The following ERBB4 variants were observed in gnomAD, a reference collection of about 807,000 sequenced individuals.
The protein encoded by ERBB4 is erb-b2 receptor tyrosine kinase 4.
In ERBB4, 42 loss-of-function variants were observed where a neutral mutation model predicts 158.0. The ratio of observed to expected loss-of-function variants is 0.27; its 90% CI spans 0.21 to 0.34. ERBB4 has a LOEUF of 0.34. ERBB4 is among the 10% of genes least tolerant of loss of function. ERBB4 has a pLI of 1.00. For missense variants in ERBB4, 1,333 were observed against 1,624.1 expected (o/e 0.82, Z 3.08); for synonymous variants, 583 against 558.7 (o/e 1.04, Z -0.61).
intron 20 of ERBB4, among the ~76,000 whole-genome samples, chr2:211,474,876 A>G (rs2064916850): frequency 6.6e-6 from 1 of 152,120 alleles, no homozygotes; most frequent in East Asian, 1.9e-4. Flanking sequence ...GAGCCAGAGA[A>G]GTAGGTGGAA....
At chr2:211,767,728 AG>A (rs2075586943) in intron 4 of ERBB4, among the ~76,000 whole-genome samples, 1 of 152,092 alleles carries the variant, frequency 6.6e-6, no homozygotes, top group East Asian at 1.9e-4. Flanking sequence ...CAGCAGCATG[AG>A]GGTAACAGCC....
intron 20 of ERBB4, among the ~76,000 whole-genome samples, chr2:211,447,502 A>C (rs1186108990): frequency 1.3e-5 from 2 of 152,224 alleles, no homozygotes; most frequent in African/African-American, 4.8e-5. Flanking sequence ...TTCTAGTAGA[A>C]ATGCCATATT....
intron 19 of ERBB4, among the ~76,000 whole-genome samples, chr2:211,576,365 G>C (rs2067893992): frequency 6.6e-6 from 1 of 152,102 alleles, no homozygotes; most frequent in South Asian, 2.1e-4. Context: ...CTTGAAAACA[G>C]CCACTGAAAA....
chr2:211,872,636 T>C (rs985630439), intron 3 of ERBB4, among the ~76,000 whole-genome samples: 3 of 152,188 alleles, frequency 2.0e-5, no homozygotes, highest in Non-Finnish European at 4.4e-5. Flanking sequence ...AAGGTCAATA[T>C]GGTATGATAA....
At chr2:212,146,145 C>A (rs1173444463) in intron 1 of ERBB4, among the ~76,000 whole-genome samples, 1 of 152,170 alleles carries the variant, frequency 6.6e-6, no homozygotes, top group Non-Finnish European at 1.5e-5. Flanking sequence ...TGGCCAGTAT[C>A]TCCAGCTTTC....
At chr2:212,337,287 G>C (rs1297677443) in intron 1 of ERBB4, among the ~76,000 whole-genome samples, 4 of 152,034 alleles carry the variant, frequency 2.6e-5, no homozygotes, top group Non-Finnish European at 5.9e-5. Context: ...AAACGAATTA[G>C]CTGTGTTCTT....
intron 1 of ERBB4, among the ~76,000 whole-genome samples, chr2:212,471,675 C>T (rs564675509): frequency 1.1e-4 from 17 of 151,890 alleles, no homozygotes; most frequent in African/African-American, 3.6e-4. Flanking sequence ...TAATCTATTC[C>T]TTTTTGCACT....
At chr2:212,231,151 T>C (rs1376612370) in intron 1 of ERBB4, among the ~76,000 whole-genome samples, 1 of 152,150 alleles carries the variant, frequency 6.6e-6, no homozygotes, top group African/African-American at 2.4e-5. Context: ...TTCAGAAATT[T>C]TTTCAAGAAG....
intron 4 of ERBB4, among the ~76,000 whole-genome samples, chr2:211,759,422 T>C (rs529664067): frequency 6.6e-6 from 1 of 152,210 alleles, no homozygotes; most frequent in South Asian, 2.1e-4. Flanking sequence ...CATGCCAAAG[T>C]CCTTACCACA....
chr2:211,563,154 A>G lies in ERBB4; in HGVS notation c.2302-1066T>C, dbSNP rs186222867. Among the ~76,000 whole-genome samples the G allele has an allele frequency of 8.5e-4, 130 of 152,326 alleles. 3 individuals carry two copies. Among genetic ancestry groups the G allele is most frequent in the Admixed American group, 7.5e-3 (114 of 15,298 alleles). On this transcript the variant is annotated intron_variant, in intron 19 of 27. Coordinates refer to ENST00000342788, the MANE Select transcript of ERBB4 (RefSeq NM_005235.3). The stretch of plus-strand genomic sequence containing the variant: ...TGGACATATGATGGTTATTTAGTGC[A>G]TACCAGTTAGCTTCTAATAAAAAGT...
chr2:212,368,583 A>G (rs78334406), intron 1 of ERBB4, among the ~76,000 whole-genome samples: 3 of 152,124 alleles, frequency 2.0e-5, no homozygotes, highest in African/African-American at 7.2e-5. Flanking sequence ...GGAAAAAAAA[A>G]GACTCTTAAT....
intron 1 of ERBB4, among the ~76,000 whole-genome samples, chr2:212,329,061 T>G (rs2088002202): frequency 6.6e-6 from 1 of 152,046 alleles, no homozygotes; most frequent in Admixed American, 6.6e-5. Flanking sequence ...AGAAACACAT[T>G]GTACTAAGAA....
chr2:211,395,697 T>C (rs908433243), intron 25 of ERBB4, among the ~76,000 whole-genome samples: 2 of 152,066 alleles, frequency 1.3e-5, no homozygotes, highest in Admixed American at 1.3e-4. Flanking sequence ...GCCATACACA[T>C]ATTAATTAAC....
chr2:212,032,943 T>G (rs887826511), intron 2 of ERBB4, among the ~76,000 whole-genome samples: 7 of 151,832 alleles, frequency 4.6e-5, no homozygotes, highest in African/African-American at 1.7e-4. Flanking sequence ...GAAGAAAGAC[T>G]GGACCAAAAA....
intron 2 of ERBB4, among the ~76,000 whole-genome samples, chr2:212,020,778 T>C (rs1410216943): frequency 6.6e-6 from 1 of 152,164 alleles, no homozygotes; most frequent in African/African-American, 2.4e-5. Flanking sequence ...ATTCAGATCA[T>C]TCAACATGCA....
intron 25 of ERBB4, among the ~76,000 whole-genome samples, chr2:211,401,388 T>TAATC (rs1383067479): frequency 1.3e-5 from 2 of 152,230 alleles, no homozygotes; most frequent in East Asian, 3.9e-4. Context: ...ATTTTTTTTT[T>TAATC]AATCACTTCT....
At chr2:212,323,106 A>C (rs142627365) in intron 1 of ERBB4, among the ~76,000 whole-genome samples, 4 of 150,604 alleles carry the variant, frequency 2.7e-5, no homozygotes, top group Non-Finnish European at 4.5e-5. Context: ...ATGAAAGCAA[A>C]TTTAAGAATT....
At chr2:211,502,696 G>A (rs2065647349) in intron 20 of ERBB4, among the ~76,000 whole-genome samples, 1 of 152,124 alleles carries the variant, frequency 6.6e-6, no homozygotes, top group Non-Finnish European at 1.5e-5. Context: ...AGTACAATGT[G>A]ATGATATTGA....
intron 9 of ERBB4, among the ~76,000 whole-genome samples, chr2:211,710,011 C>A (rs1254571108): frequency 6.6e-6 from 1 of 152,082 alleles, no homozygotes; most frequent in African/African-American, 2.4e-5. Flanking sequence ...TTGGCATTCC[C>A]CTAACAATAT....
Sources: allele counts gnomAD v4.1 joint callset (sites outside exome capture counted in the v4.1 genomes callset), GRCh38; gene constraint gnomAD v4.1.1; transcripts MANE v1.5; gene names NCBI Gene and HGNC (gene_info 2026-07-23, HGNC 2026-07-21).